Variants in SCAPER observed in about 807,000 individuals in gnomAD.
SCAPER encodes the protein S-phase cyclin A associated protein in the ER, also known as S phase cyclin A-associated protein in the endoplasmic reticulum.
Under a neutral mutation model 182.2 loss-of-function variants are expected in SCAPER, and 98 were observed. The observed-to-expected ratio is 0.54, with a 90% CI of 0.46 to 0.64. The LOEUF (loss-of-function observed/expected upper bound fraction) is 0.64, where lower values mean the gene tolerates loss of function less well. Ranked by LOEUF, SCAPER falls within the 30% of genes least tolerant of loss-of-function variation. SCAPER has a pLI of 0.00. For missense variants in SCAPER, 1,432 were observed against 1,690.0 expected, an observed-to-expected ratio of 0.85 and a Z score of 2.68; for synonymous variants, 605 against 564.6, an observed-to-expected ratio of 1.07 and a Z score of -1.01.
intron 26 of SCAPER, 77 bp from the exon 27 acceptor site, chr15:76,404,756 C>T (rs549209462): frequency 1.4e-6 from 2 of 1,476,130 alleles, no homozygotes; most frequent in African/African-American, 2.8e-5. Flanking sequence ...TAAATGCTAC[C>T]ATACACAGGC....
chr15:76,657,477 C>A (rs534371878), intron 21 of SCAPER, among the ~76,000 whole-genome samples: 40 of 151,390 alleles, frequency 2.6e-4, no homozygotes, highest in Non-Finnish European at 5.0e-4. Flanking sequence ...TAAAGAAGAG[C>A]TGGTACTATT....
chr15:76,735,900 C>T (rs547389933), intron 15 of SCAPER, among the ~76,000 whole-genome samples: 1 of 152,260 alleles, frequency 6.6e-6, no homozygotes, highest in East Asian at 1.9e-4. Flanking sequence ...TGGTGGATGC[C>T]TCAAATCACA....
chr15:76,689,925 TAA>T (rs550127904), intron 20 of SCAPER, among the ~76,000 whole-genome samples: 5 of 129,304 alleles, frequency 3.9e-5, no homozygotes, highest in South Asian at 2.5e-4. Flanking sequence ...TAACTCAAAG[TAA>T]AAAAAAAAAA....
intron 2 of SCAPER, among the ~76,000 whole-genome samples, chr15:76,867,559 A>G (rs1461237364): frequency 6.6e-6 from 1 of 152,232 alleles, no homozygotes; most frequent in African/African-American, 2.4e-5. Flanking sequence ...CTAAACTATT[A>G]TAAGGGGGAA....
intron 1 of SCAPER, among the ~76,000 whole-genome samples, chr15:76,893,623 A>G (rs1311183616): frequency 2.0e-5 from 3 of 152,186 alleles, no homozygotes; most frequent in African/African-American, 7.2e-5. Context: ...AATATACAAC[A>G]TTTTCAAGCA....
chr15:76,849,946 G>A (rs57366798), intron 4 of SCAPER, among the ~76,000 whole-genome samples: 4,945 of 152,124 alleles, frequency 0.033, 212 homozygotes, highest in African/African-American at 0.1. Context: ...GGGAAATGCT[G>A]GACACCTATA....
At chr15:76,526,576 T>A (rs142523830) in intron 23 of SCAPER, among the ~76,000 whole-genome samples, 1 of 152,306 alleles carries the variant, frequency 6.6e-6, no homozygotes, top group African/African-American at 2.4e-5. Flanking sequence ...TCTATCATTC[T>A]GAACCATTCT....
chr15:76,728,216 CAAAAA>C (rs746287649), intron 17 of SCAPER, among the ~76,000 whole-genome samples: 1 of 115,080 alleles, frequency 8.7e-6, no homozygotes, highest in Admixed American at 9.0e-5. Flanking sequence ...CTATTTCCAT[CAAAAA>C]AAAAAAAAAA....
intron 4 of SCAPER, among the ~76,000 whole-genome samples, chr15:76,851,082 A>C (rs1367997696): frequency 7.9e-5 from 12 of 152,148 alleles, no homozygotes; most frequent in African/African-American, 2.7e-4. Flanking sequence ...AACAGAATAG[A>C]CCAAGCTGAG....
intron 28 of SCAPER, among the ~76,000 whole-genome samples, chr15:76,379,309 G>T (rs1370017154): frequency 6.6e-6 from 1 of 152,018 alleles, no homozygotes. Flanking sequence ...AGAAAAAACA[G>T]GAAGGAAAGA....
intron 10 of SCAPER, 114 bp from the exon 11 acceptor site, chr15:76,767,202 G>T: frequency 9.6e-7 from 1 of 1,039,898 alleles, no homozygotes; most frequent in Non-Finnish European, 1.4e-6. Flanking sequence ...TATTGATCTA[G>T]AATCATAAAA....
intron 14 of SCAPER, among the ~76,000 whole-genome samples, chr15:76,757,512 GCAGA>G (rs1265301620): frequency 2.0e-5 from 3 of 151,630 alleles, no homozygotes; most frequent in African/African-American, 4.8e-5. Context: ...TCATTTGTCA[GCAGA>G]CATTTAGGTT....
chr15:76,478,875 CTCTAT>C (rs1278096092), intron 24 of SCAPER, among the ~76,000 whole-genome samples: 4 of 152,102 alleles, frequency 2.6e-5, no homozygotes, highest in South Asian at 2.1e-4. Context: ...AACATTACAA[CTCTAT>C]TCTATTTTCC....
intron 24 of SCAPER, among the ~76,000 whole-genome samples, chr15:76,492,864 G>A (rs2052456454): frequency 6.8e-6 from 1 of 147,528 alleles, no homozygotes; most frequent in Admixed American, 6.7e-5. Context: ...CACAATCTGA[G>A]AGTGTTTTTT....
chr15:76,758,958 ATATAT>A (rs139226314), intron 14 of SCAPER, among the ~76,000 whole-genome samples: 57,506 of 151,558 alleles, frequency 0.38, 12,846 homozygotes, highest in Middle Eastern at 0.52. Context: ...TACTGAATTC[ATATAT>A]TATTTCTCAA....
At chr15:76,639,728 C>T (rs1429997483) in intron 21 of SCAPER, among the ~76,000 whole-genome samples, 1 of 151,664 alleles carries the variant, frequency 6.6e-6, no homozygotes, top group Non-Finnish European at 1.5e-5. Flanking sequence ...CCCCCCAACC[C>T]CACATTCACA....
chr15:76,883,691 T>C (rs1489428862), intron 2 of SCAPER, 121 bp downstream of exon 2: 1 of 842,048 alleles, frequency 1.2e-6, no homozygotes, highest in Non-Finnish European at 1.8e-6. Flanking sequence ...TCACTGTGCT[T>C]TATGACAATG....
chr15:76,504,637 T>C (rs535440724), intron 24 of SCAPER, among the ~76,000 whole-genome samples: 1 of 152,322 alleles, frequency 6.6e-6, no homozygotes, highest in African/African-American at 2.4e-5. Flanking sequence ...TTAGAGCACA[T>C]CACAGACCAA....
chr15:76,448,409 T>C (rs889281550), intron 25 of SCAPER, among the ~76,000 whole-genome samples: 1 of 152,120 alleles, frequency 6.6e-6, no homozygotes, highest in Non-Finnish European at 1.5e-5. Context: ...TTCTGGCTTA[T>C]ATGGTAGAGT....
Sources: gnomAD v4.1 joint callset for allele counts (sites outside exome capture counted in the v4.1 genomes callset) on GRCh38, gnomAD v4.1.1 for gene constraint, MANE v1.5 for transcripts, NCBI Gene and HGNC (gene_info 2026-07-23, HGNC 2026-07-21) for gene names.